KIAA1328: variants seen among roughly 807,000 people sequenced by gnomAD.
KIAA1328 encodes KIAA1328.
In KIAA1328, 52 loss-of-function variants were observed where a neutral mutation model predicts 68.1. The observed-to-expected ratio is 0.76, with a 90% CI of 0.61 to 0.96. KIAA1328 has a LOEUF of 0.96. Among genes scored for constraint, KIAA1328 ranks in the 40% least tolerant of loss-of-function variants. The pLI is 0.00. For missense variants in KIAA1328, 641 were observed against 677.6 expected (o/e 0.95, Z 0.60); for synonymous variants, 232 against 239.4 (o/e 0.97, Z 0.28).
chr18:37,060,662 G>T (rs1042681716), intron 6 of KIAA1328, among the ~76,000 whole-genome samples: 2 of 151,910 alleles, frequency 1.3e-5, no homozygotes, highest in Non-Finnish European at 2.9e-5. Flanking sequence ...TAAAAAAAAA[G>T]ACTTTTATCA....
intron 4 of KIAA1328, among the ~76,000 whole-genome samples, chr18:36,876,480 C>A (rs2048131238): frequency 6.6e-6 from 1 of 152,116 alleles, no homozygotes; most frequent in South Asian, 2.1e-4. Context: ...TTATAGTATT[C>A]TCTGATGGTA....
At chr18:36,902,949 A>G (rs925592262) in intron 5 of KIAA1328, among the ~76,000 whole-genome samples, 5 of 152,018 alleles carry the variant, frequency 3.3e-5, no homozygotes, top group African/African-American at 1.2e-4. Flanking sequence ...GCTTCTGGAG[A>G]TATTTACAAA....
intron 6 of KIAA1328, among the ~76,000 whole-genome samples, chr18:36,974,926 G>C (rs181089202): frequency 1.5e-4 from 23 of 152,274 alleles, no homozygotes; most frequent in Non-Finnish European, 8.8e-5. Context: ...CAAAGTATGA[G>C]TGAATTTTTG....
At chr18:37,056,706 A>C (rs958099874) in intron 6 of KIAA1328, among the ~76,000 whole-genome samples, 1 of 152,092 alleles carries the variant, frequency 6.6e-6, no homozygotes, top group South Asian at 2.1e-4. Context: ...GCTGGAGTGC[A>C]GTAGTGTGAT....
At chr18:36,909,152 C>G (rs1470510626) in intron 5 of KIAA1328, among the ~76,000 whole-genome samples, 1 of 151,984 alleles carries the variant, frequency 6.6e-6, no homozygotes, top group Non-Finnish European at 1.5e-5. Context: ...TATTATTATA[C>G]TTCAAGTTCT....
chr18:37,002,634 C>T lies in KIAA1328; in HGVS notation c.576+43199C>T, dbSNP rs536020645. On this transcript the variant is annotated intron_variant, in intron 6 of 9. Transcript: ENST00000280020. ...ATATATACCTAGGAATAAATTTAGC[C>T]TAGGATGTGAAAGTTCTCTACAAGA... Among the ~76,000 whole-genome samples the T allele has an allele frequency of 5.1e-4, 77 of 151,920 alleles. 1 individual carries two copies. The South Asian group carries it at 0.015, about 30-fold the overall frequency.
At chr18:36,840,277 G>A (rs1166455209) in intron 3 of KIAA1328, among the ~76,000 whole-genome samples, 1 of 151,952 alleles carries the variant, frequency 6.6e-6, no homozygotes, top group Non-Finnish European at 1.5e-5. Context: ...TTTTTGTCAG[G>A]TTTTTGTTTT....
At chr18:37,215,841 A>G (rs1215800977) in intron 9 of KIAA1328, among the ~76,000 whole-genome samples, 1 of 152,150 alleles carries the variant, frequency 6.6e-6, no homozygotes, top group Admixed American at 6.5e-5. Context: ...TTATTGGTCT[A>G]TTCAGGGATT....
intron 4 of KIAA1328, 136 bp downstream of exon 4, chr18:36,844,438 C>T (rs553875228): frequency 2.0e-6 from 1 of 504,670 alleles, no homozygotes; most frequent in Admixed American, 4.2e-5. Context: ...AAAAGACATT[C>T]TGTGATGTCA....
At chr18:37,162,116 T>C (rs2059292689) in intron 8 of KIAA1328, among the ~76,000 whole-genome samples, 1 of 152,218 alleles carries the variant, frequency 6.6e-6, no homozygotes, top group Non-Finnish European at 1.5e-5. Flanking sequence ...TGAATCCTAA[T>C]AGTCATTTTA....
At chr18:36,865,880 G>C (rs1276430190) in intron 4 of KIAA1328, among the ~76,000 whole-genome samples, 1 of 151,844 alleles carries the variant, frequency 6.6e-6, no homozygotes. Context: ...CCTTTTTCTG[G>C]CTCTGACTCT....
At chr18:37,204,463 T>A (rs971570536) in intron 9 of KIAA1328, among the ~76,000 whole-genome samples, 2 of 152,160 alleles carry the variant, frequency 1.3e-5, no homozygotes, top group African/African-American at 4.8e-5. Context: ...TACATAAAAA[T>A]ACAAAGACTT....
At chr18:37,177,838 A>C (rs942047367) in intron 9 of KIAA1328, among the ~76,000 whole-genome samples, 1 of 152,034 alleles carries the variant, frequency 6.6e-6, no homozygotes, top group Admixed American at 6.6e-5. Context: ...TATTTTTATT[A>C]ATTGACACAT....
intron 5 of KIAA1328, among the ~76,000 whole-genome samples, chr18:36,950,430 G>A (rs888079904): frequency 1.3e-5 from 2 of 152,070 alleles, no homozygotes; most frequent in African/African-American, 4.8e-5. Context: ...AGTGCCTGCT[G>A]TGTGCTGAAG....
At chr18:36,909,623 G>T (rs1160310230) in intron 5 of KIAA1328, among the ~76,000 whole-genome samples, 1 of 152,144 alleles carries the variant, frequency 6.6e-6, no homozygotes, top group Admixed American at 6.5e-5. Context: ...ATAGCAGCAT[G>T]ATTTATAATC....
chr18:37,108,771 T>C (rs1329537300), intron 7 of KIAA1328, among the ~76,000 whole-genome samples: 1 of 152,090 alleles, frequency 6.6e-6, no homozygotes, highest in African/African-American at 2.4e-5. Flanking sequence ...GTTTTTTGTT[T>C]TGTTTTGTTT....
At chr18:37,090,661 T>C (rs1030921759) in intron 7 of KIAA1328, among the ~76,000 whole-genome samples, 1 of 152,246 alleles carries the variant, frequency 6.6e-6, no homozygotes, top group African/African-American at 2.4e-5. Flanking sequence ...CAGAGTTTCT[T>C]GAAATCCTTA....
intron 5 of KIAA1328, among the ~76,000 whole-genome samples, chr18:36,903,409 C>G (rs764496722): frequency 5.9e-5 from 9 of 152,074 alleles, no homozygotes; most frequent in Non-Finnish European, 8.8e-5. Context: ...CGAAAGTTCT[C>G]TGCTCAGTTT....
intron 7 of KIAA1328, among the ~76,000 whole-genome samples, chr18:37,156,129 G>A (rs996514967): frequency 6.6e-6 from 1 of 152,002 alleles, no homozygotes; most frequent in African/African-American, 2.4e-5. Context: ...GGGCTGGGCC[G>A]GGCTCGGTGG....
Sources: gnomAD v4.1 joint callset for allele counts (sites outside exome capture counted in the v4.1 genomes callset) on GRCh38, gnomAD v4.1.1 for gene constraint, MANE v1.5 for transcripts, NCBI Gene and HGNC (gene_info 2026-07-23, HGNC 2026-07-21) for gene names.